The following HIVEP1 variants were observed in gnomAD, a reference collection of about 807,000 sequenced individuals.
HIVEP1 encodes the protein HIVEP zinc finger 1.
A neutral mutation model predicts 180.0 loss-of-function variants in HIVEP1; 36 were observed. The ratio of observed to expected loss-of-function variants is 0.20; its 90% CI spans 0.15 to 0.26. The LOEUF (loss-of-function observed/expected upper bound fraction) is 0.26, where lower values mean the gene tolerates loss of function less well. HIVEP1 is among the 10% of genes least tolerant of loss of function. HIVEP1 has a pLI of 1.00. For synonymous variants in HIVEP1, 1,239 were observed against 1,239.0 expected (o/e 1.00, Z 0.00); for missense variants, 3,143 against 3,268.7 (o/e 0.96, Z 0.94).
the HIVEP1 span, among the ~76,000 whole-genome samples, chr6:12,182,362 G>C: frequency 2.6e-5 from 4 of 152,234 alleles, no homozygotes; most frequent in African/African-American, 9.6e-5. Context: ...CTCAGAAATT[G>C]CTTCTTCCTG....
intron 7 of HIVEP1, among the ~76,000 whole-genome samples, chr6:12,149,640 G>T (rs1445439299): frequency 6.6e-6 from 1 of 152,132 alleles, no homozygotes; most frequent in Non-Finnish European, 1.5e-5. Flanking sequence ...TCCCTTACAT[G>T]TGCATTGTTT....
the HIVEP1 span, among the ~76,000 whole-genome samples, chr6:12,211,271 G>A: frequency 1.1e-5 from 1 of 94,246 alleles, no homozygotes; most frequent in Non-Finnish European, 2.1e-5. Context: ...GTGGTGGCAG[G>A]TGCCTGTAGT....
At chr6:12,189,016 G>A in the HIVEP1 span, among the ~76,000 whole-genome samples, 3 of 151,814 alleles carry the variant, frequency 2.0e-5, no homozygotes, top group African/African-American at 7.2e-5. Flanking sequence ...TATAAAAATA[G>A]ATAAATATAT....
At chr6:12,137,525 A>G (rs1322156656) in intron 7 of HIVEP1, among the ~76,000 whole-genome samples, 1 of 152,196 alleles carries the variant, frequency 6.6e-6, no homozygotes, top group African/African-American at 2.4e-5. Flanking sequence ...TTTAGATTAG[A>G]ACTTCTGATA....
chr6:12,124,749 C>G lies in HIVEP1; in HGVS notation c.4954C>G (p.Leu1652Val), dbSNP rs766026011. ...SSVPAYCFAT[L>V]TSLPQILVTQ... ...TGTTCCTGCTTACTGTTTTGCTACA[C>G]TCACATCCCTGCCACAAATACTAGT... Residue 1652 changes from leucine to valine, a missense_variant, in exon 4 of 9, where the codon CTC becomes GTC. Physicochemically the swap from Leu to Val is conservative, Grantham distance 32 (BLOSUM62 1). Around this residue, in one of 12 missense-constraint regions of HIVEP1, gnomAD observed 1,357 missense variants for 1,260.5 expected, o/e 1.08. Transcript: ENST00000379388. 5.6e-6 allele frequency: 9 copies of G among 1,614,096 alleles called. No individual in the cohort carries two copies. In the East Asian group the frequency reaches 2.0e-4, roughly 36 times the overall value.
the HIVEP1 span, among the ~76,000 whole-genome samples, chr6:12,198,450 G>C: frequency 6.6e-6 from 1 of 152,110 alleles, no homozygotes; most frequent in Non-Finnish European, 1.5e-5. Flanking sequence ...AATTTTCCTG[G>C]GAGCAGAAGG....
chr6:12,070,496 C>T (rs1332958266), intron 2 of HIVEP1, among the ~76,000 whole-genome samples: 2 of 152,022 alleles, frequency 1.3e-5, no homozygotes, highest in African/African-American at 2.4e-5. Context: ...GAGACCAGTG[C>T]GTGGCCAACA....
rs751102647 is a variant in HIVEP1, at chr6:12,161,901, T to C, written c.6950T>C (p.Met2317Thr). Residue 2317 changes from methionine (M) to threonine (T), a missense_variant, in exon 8 of 9, where the codon ATG becomes ACG. Coordinates refer to ENST00000379388, the MANE Select transcript of HIVEP1 (RefSeq NM_002114.4). Reference sequence around the variant, plus strand: ...TCAGAAGAAATTCTGAGAAGTTCTATGGCAGGAAAAGCTGTTGCTATAACA... The same window carrying C: ...TCAGAAGAAATTCTGAGAAGTTCTACGGCAGGAAAAGCTGTTGCTATAACA... Reference protein sequence around the residue: ...PESEEILRSSMAGKAVAITQS... With the variant: ...PESEEILRSSTAGKAVAITQS... 6.2e-7 allele frequency: 1 copy of C among 1,612,522 alleles called. No homozygotes were observed. Among genetic ancestry groups the C allele is most frequent in the Admixed American group, 1.7e-5 (1 of 59,968 alleles).
At chr6:12,139,608 C>G (rs1283950850) in intron 7 of HIVEP1, among the ~76,000 whole-genome samples, 1 of 152,232 alleles carries the variant, frequency 6.6e-6, no homozygotes, top group Non-Finnish European at 1.5e-5. Flanking sequence ...CAGACAGTAC[C>G]TGGAAAAACG....
At chr6:12,111,647 C>T (rs1172001491) in intron 3 of HIVEP1, among the ~76,000 whole-genome samples, 1 of 152,234 alleles carries the variant, frequency 6.6e-6, no homozygotes, top group Non-Finnish European at 1.5e-5. Flanking sequence ...TCTTGAAAGC[C>T]AGCAATGGCA....
At chr6:12,197,189 CAG>C in the HIVEP1 span, among the ~76,000 whole-genome samples, 2 of 152,060 alleles carry the variant, frequency 1.3e-5, no homozygotes, top group Non-Finnish European at 2.9e-5. Flanking sequence ...GAGTTCCAGG[CAG>C]AGTGTCAGCA....
rs192116116 is a variant in HIVEP1 at position 12,117,460 on chromosome 6, C to A, written c.95-2430C>A. 2.2e-3 allele frequency among the ~76,000 whole-genome samples: 330 copies of A among 152,218 alleles called. 3 individuals are homozygous for A. The highest frequency in any genetic ancestry group is 3.1e-3 in the Non-Finnish European group (211 of 67,992). ...GTTTCTCTTATAAAGAAATATGGAT[C>A]TTAAGTTTAGCAATTCCTTTATCTT... On this transcript the variant is annotated intron_variant, in intron 3 of 8. Transcript: ENST00000379388.
rs1315610346 is a variant in HIVEP1 at position 12,121,706 on chromosome 6, T to C, written c.1911T>C (p.Ser637=). The C allele has an allele frequency of 6.2e-7, 1 of 1,614,156 alleles. No homozygotes were observed. The highest frequency in any genetic ancestry group is 8.5e-7 in the Non-Finnish European group (1 of 1,180,020). Residue 637 remains serine, a synonymous_variant, in exon 4 of 9, where the codon TCT becomes TCC. Transcript: ENST00000379388. This position sits in a 1 kb window ranked among gnomAD's most constrained non-coding sequence, Gnocchi z 5.3. The part of the protein sequence containing the change: ...DMNPLEGKQD[S]HVGTVHAQLQ... ...ATCCACTGGAAGGAAAGCAAGACTC[T>C]CACGTAGGAACGGTACACGCCCAGC...
the HIVEP1 span, among the ~76,000 whole-genome samples, chr6:12,202,690 T>A: frequency 6.6e-6 from 1 of 152,128 alleles, no homozygotes; most frequent in Non-Finnish European, 1.5e-5. Context: ...GAATGCAAAT[T>A]CATTTTGATA....
chr6:12,107,768 G>C (rs1451318218), intron 3 of HIVEP1, among the ~76,000 whole-genome samples: 2 of 152,134 alleles, frequency 1.3e-5, no homozygotes, highest in East Asian at 1.9e-4. Context: ...AAGGGGACCC[G>C]AGCGGGTTGC....
the HIVEP1 span, among the ~76,000 whole-genome samples, chr6:12,196,169 A>G: frequency 6.6e-6 from 1 of 152,208 alleles, no homozygotes; most frequent in Non-Finnish European, 1.5e-5. Context: ...AGTGACTTGG[A>G]GAAAATAATA....
At chr6:12,048,318 G>A (rs1333383262) in intron 2 of HIVEP1, among the ~76,000 whole-genome samples, 1 of 152,086 alleles carries the variant, frequency 6.6e-6, no homozygotes, top group East Asian at 1.9e-4. Flanking sequence ...TTTAGATAAG[G>A]GAAAGAACAT....
In HIVEP1 at chr6:12,119,894, C is replaced by A. The variant is rs117555598; in HGVS notation, c.99C>A (p.Ile33=). Residue 33 remains isoleucine, a synonymous_variant, in exon 4 of 9, where the codon ATC becomes ATA. Transcript: ENST00000379388. ...TGTTGTTGTTGTTTTTTCCAGAAAT[C>A]TTACAGGCTGGTGTTAAAGGAACTT... ...LNGAEVSKKE[I]LQAGVKGTSE... 6.5e-7 allele frequency: 1 copy of A among 1,545,228 alleles called. No homozygotes were observed. The highest frequency in any genetic ancestry group is 8.7e-7 in the Non-Finnish European group (1 of 1,152,090).
intron 2 of HIVEP1, among the ~76,000 whole-genome samples, chr6:12,061,290 C>T (rs1430599341): frequency 6.6e-6 from 1 of 152,132 alleles, no homozygotes; most frequent in Non-Finnish European, 1.5e-5. Flanking sequence ...AATGTACACC[C>T]TGGTTATAAA....
Sources: gnomAD v4.1 joint callset for allele counts (sites outside exome capture counted in the v4.1 genomes callset) on GRCh38, gnomAD v4.1.1 for gene constraint, gnomAD v4.1.1 regional missense constraint, Gnocchi (gnomAD v3.1) non-coding constraint, MANE v1.5 for transcripts, NCBI Gene and HGNC (gene_info 2026-07-23, HGNC 2026-07-21) for gene names.